The following WDFY3 variants were observed in gnomAD, a reference collection of about 807,000 sequenced individuals.
WDFY3 encodes WD repeat and FYVE domain containing 3, also known as WD repeat and FYVE domain-containing protein 3.
A neutral mutation model predicts 409.6 loss-of-function variants in WDFY3; 66 were observed. The ratio of observed to expected loss-of-function variants is 0.16; its 90% CI spans 0.13 to 0.20. WDFY3 has a LOEUF of 0.20. Ranked by LOEUF, WDFY3 falls within the 10% of genes least tolerant of loss-of-function variation. The probability of loss-of-function intolerance (pLI) is 1.00; values close to 1 mark genes in which losing one functional copy is unlikely to be tolerated. For missense variants in WDFY3, 3,031 were observed against 4,298.1 expected (o/e 0.71, Z 8.24); for synonymous variants, 1,521 against 1,537.1 (o/e 0.99, Z 0.25).
Position 84,810,219 on chromosome 4 carries a change from A to G in WDFY3, c.2013T>C (p.Asn671=), listed in dbSNP as rs764369254. Reference sequence around the variant, plus strand: ...GATTCTGGTTCACTTTCTCCCAGCCATTCTTGGGTGGACAGCTCAAAGATC... The same window carrying G: ...GATTCTGGTTCACTTTCTCCCAGCCGTTCTTGGGTGGACAGCTCAAAGATC... ...MERSLSCPPK[N]GWEKVNQNQV... The change falls in exon 14 of 68, where the codon AAT becomes AAC. Residue 671 remains asparagine, a synonymous_variant. Transcript: ENST00000295888. The G allele has an allele frequency of 1.9e-5, 30 of 1,614,040 alleles. No individual in the cohort carries two copies. The highest frequency in any genetic ancestry group is 2.4e-5 in the Non-Finnish European group (28 of 1,180,016).
chr4:84,779,677 G>C (rs1023259934), intron 26 of WDFY3, among the ~76,000 whole-genome samples: 1 of 152,152 alleles, frequency 6.6e-6, no homozygotes, highest in South Asian at 2.1e-4. Flanking sequence ...AGATGGTGGG[G>C]TGTGAGGTGG....
chr4:84,781,828 TTAGAG>T (rs753735567), intron 25 of WDFY3, among the ~76,000 whole-genome samples: 42 of 152,256 alleles, frequency 2.8e-4, no homozygotes, highest in East Asian at 7.7e-4. Flanking sequence ...ACCACGTGCT[TTAGAG>T]TAAAGAAAAT....
chr4:84,813,273 A>C (rs1752791570), intron 13 of WDFY3, among the ~76,000 whole-genome samples: 1 of 152,166 alleles, frequency 6.6e-6, no homozygotes, highest in Admixed American at 6.6e-5. Flanking sequence ...TTTCCCTTCA[A>C]AGCAGAATGC....
intron 13 of WDFY3, among the ~76,000 whole-genome samples, chr4:84,815,917 C>A (rs1264429237): frequency 6.6e-6 from 1 of 152,072 alleles, no homozygotes; most frequent in Non-Finnish European, 1.5e-5. Flanking sequence ...TCTTTAGTAT[C>A]CAGTGATGAA....
intron 5 of WDFY3, among the ~76,000 whole-genome samples, chr4:84,844,682 T>C (rs1437247879): frequency 1.3e-5 from 2 of 152,166 alleles, no homozygotes; most frequent in African/African-American, 4.8e-5. Context: ...AGAAAAACAT[T>C]AATAATAAAC....
rs575239986 is a variant in WDFY3 at position 84,779,064 on chromosome 4, T to G, written c.4366-409A>C. Reference sequence around the variant, plus strand: ...TTTTGTGTTATAAAGTATTTTTTTTTGCAACACGGTCTTAATAATTACAAT... The same window carrying G: ...TTTTGTGTTATAAAGTATTTTTTTTGGCAACACGGTCTTAATAATTACAAT... On this transcript the variant is annotated intron_variant, in intron 26 of 67. Transcript: ENST00000295888. Among the ~76,000 whole-genome samples, 7 of 152,292 alleles carry G rather than the reference T, an allele frequency of 4.6e-5. No homozygotes were observed. In the South Asian group the frequency reaches 1.0e-3, roughly 23 times the overall value.
At chr4:84,688,347 T>TC in intron 61 of WDFY3, 82 bp from the exon 62 acceptor site, 1 of 1,410,556 alleles carries the variant, frequency 7.1e-7, no homozygotes, top group Non-Finnish European at 9.7e-7. Context: ...CCTGGATGCA[T>TC]CAGGAAGCAG....
At chr4:84,738,859 T>C (rs1183401406) in intron 40 of WDFY3, 151 bp downstream of exon 40, 25 of 638,532 alleles carry the variant, frequency 3.9e-5, no homozygotes, top group Non-Finnish European at 6.3e-5. Context: ...TTTACTGTTA[T>C]TGGCATGAGG....
rs1729302547 is a variant in WDFY3 at position 84,691,765 on chromosome 4, G to C, written c.9070C>G (p.Gln3024Glu). Residue 3024 changes from glutamine to glutamate, a missense_variant, in exon 60 of 68, where the codon CAA (glutamine) becomes GAA (glutamate). By Grantham distance (29) the Gln-to-Glu change is conservative (BLOSUM62 2). Coordinates refer to ENST00000295888, the MANE Select transcript of WDFY3 (RefSeq NM_014991.6). Reference protein sequence around the residue: ...PVKELKEPVGQIVCTDKGILA... With the variant: ...PVKELKEPVGEIVCTDKGILA... ...ATACCTTTATCTGTACATACGATTT[G>C]TCCTACAGGTTCTTTGAGTTCTAGA... 1 of 1,611,000 alleles carries C rather than the reference G, an allele frequency of 6.2e-7. No individual in the cohort carries two copies. The highest frequency in any genetic ancestry group is 1.7e-5 in the Admixed American group (1 of 59,672).
chr4:84,690,332 C>T (rs1729044509), intron 61 of WDFY3, among the ~76,000 whole-genome samples, 174 bp downstream of exon 61: 1 of 152,064 alleles, frequency 6.6e-6, no homozygotes, highest in Non-Finnish European at 1.5e-5. Flanking sequence ...TAGAAACAAC[C>T]TATTCTGATT....
intron 1 of WDFY3, among the ~76,000 whole-genome samples, chr4:84,939,152 A>G (rs1313167256): frequency 2.6e-5 from 4 of 151,980 alleles, no homozygotes; most frequent in Non-Finnish European, 4.4e-5. Flanking sequence ...CTCTTTTATG[A>G]CACTGACTTT....
intron 21 of WDFY3, among the ~76,000 whole-genome samples, chr4:84,792,305 G>A (rs1748664766): frequency 6.6e-6 from 1 of 152,160 alleles, no homozygotes; most frequent in Non-Finnish European, 1.5e-5. Flanking sequence ...GCAGAAAGCA[G>A]GGTCCTAAAG....
rs775085193 is a variant in WDFY3, at chr4:84,874,219, C to G, written c.-31-13597G>C. ...CCTGAGGTCAGGAGTTTGAGACCAG[C>G]CTGGCCAACATGGTGAAACCCTGTC... On this transcript the variant is annotated intron_variant, in intron 3 of 67. Transcript: ENST00000295888. Among the ~76,000 whole-genome samples, 141 of 151,924 alleles carry G rather than the reference C, an allele frequency of 9.3e-4. 1 individual carries two copies. The highest frequency in any genetic ancestry group is 5.6e-4 in the Non-Finnish European group (38 of 67,952).
chr4:84,897,369 T>A (rs1299228814), intron 2 of WDFY3, among the ~76,000 whole-genome samples: 1 of 151,946 alleles, frequency 6.6e-6, no homozygotes, highest in Non-Finnish European at 1.5e-5. Context: ...AAAATGCACT[T>A]TTTTTATTTT....
At chr4:84,693,790 G>A (rs1729649636) in intron 58 of WDFY3, among the ~76,000 whole-genome samples, 1 of 152,006 alleles carries the variant, frequency 6.6e-6, no homozygotes, top group Non-Finnish European at 1.5e-5. Context: ...AGCTACTTGG[G>A]AGGGTGAGGC....
At chr4:84,700,946 C>G (rs186557705) in intron 56 of WDFY3, among the ~76,000 whole-genome samples, 36 of 152,184 alleles carry the variant, frequency 2.4e-4, no homozygotes, top group South Asian at 6.2e-4. Flanking sequence ...CCCGTCTCTA[C>G]TAAAAATTTG....
At chr4:84,928,590 T>A (rs1770317413) in intron 2 of WDFY3, among the ~76,000 whole-genome samples, 1 of 152,172 alleles carries the variant, frequency 6.6e-6, no homozygotes, top group South Asian at 2.1e-4. Flanking sequence ...TACCACTACA[T>A]TCTGTAAAAG....
chr4:84,828,941 T>C (rs1755260523), intron 9 of WDFY3, 63 bp downstream of exon 9: 3 of 1,452,342 alleles, frequency 2.1e-6, no homozygotes, highest in African/African-American at 2.9e-5. Context: ...AATCACATTG[T>C]TTTCTTTGAT....
At chr4:84,702,027 G>A (rs1050940595) in intron 56 of WDFY3, among the ~76,000 whole-genome samples, 1 of 152,082 alleles carries the variant, frequency 6.6e-6, no homozygotes, top group Non-Finnish European at 1.5e-5. Context: ...TATTTATTTA[G>A]AGACGGAGTC....
Sources: gnomAD v4.1 joint callset for allele counts (sites outside exome capture counted in the v4.1 genomes callset) on GRCh38, gnomAD v4.1.1 for gene constraint, MANE v1.5 for transcripts, NCBI Gene and HGNC (gene_info 2026-07-23, HGNC 2026-07-21) for gene names.